The following SFMBT1 variants were observed in gnomAD, a reference collection of about 807,000 sequenced individuals.
The protein encoded by SFMBT1 is scm-like with four MBT domains protein 1.
A neutral mutation model predicts 108.7 loss-of-function variants in SFMBT1; 32 were observed. The observed-to-expected ratio is 0.29, with a 90% CI of 0.22 to 0.40. SFMBT1 has a LOEUF of 0.40. Among genes scored for constraint, SFMBT1 ranks in the 10% least tolerant of loss-of-function variants. The probability of loss-of-function intolerance (pLI) is 1.00; values close to 1 mark genes in which losing one functional copy is unlikely to be tolerated. For synonymous variants in SFMBT1, 348 were observed against 369.5 expected, an observed-to-expected ratio of 0.94 and a Z score of 0.67; for missense variants, 816 against 1,059.6, an observed-to-expected ratio of 0.77 and a Z score of 3.19.
intron 1 of SFMBT1, among the ~76,000 whole-genome samples, chr3:52,980,334 G>A (rs1007374641): frequency 2.6e-5 from 4 of 152,070 alleles, no homozygotes; most frequent in East Asian, 1.9e-4. Flanking sequence ...GACTATCTCC[G>A]TAAAATGCTG....
intron 1 of SFMBT1, among the ~76,000 whole-genome samples, chr3:53,032,301 C>T (rs56907549): frequency 2.0e-5 from 3 of 152,084 alleles, no homozygotes; most frequent in Non-Finnish European, 2.9e-5. Flanking sequence ...GCCCAGGAGG[C>T]GGAGGCTGCA....
intron 2 of SFMBT1, among the ~76,000 whole-genome samples, chr3:52,967,654 G>T (rs919856260): frequency 6.6e-6 from 1 of 152,156 alleles, no homozygotes; most frequent in Non-Finnish European, 1.5e-5. Context: ...TTGATAATGA[G>T]CCAAAGACAT....
chr3:53,039,590 G>A (rs753661511), intron 1 of SFMBT1, among the ~76,000 whole-genome samples: 3 of 152,174 alleles, frequency 2.0e-5, no homozygotes, highest in Non-Finnish European at 4.4e-5. Flanking sequence ...TGACCTGTAC[G>A]TGTAAAAGTG....
chr3:52,941,717 C>T (rs1204671545), intron 4 of SFMBT1, among the ~76,000 whole-genome samples: 3 of 151,086 alleles, frequency 2.0e-5, no homozygotes, highest in South Asian at 4.2e-4. Flanking sequence ...GGCAACACAG[C>T]GAAACTCTGT....
chr3:52,943,164 G>T lies in SFMBT1; in HGVS notation c.364+189C>A, dbSNP rs138212651. On this transcript the variant is annotated intron_variant, in intron 4 of 20. Transcript: ENST00000394752. ...TCATAAAAACCTGAGGCTTTATGTAGCAAAGAAAATAATTTTAAAAGACAG... is the reference window on the plus strand; with the variant it reads ...TCATAAAAACCTGAGGCTTTATGTATCAAAGAAAATAATTTTAAAAGACAG... Among the ~76,000 whole-genome samples, 345 of 152,284 alleles carry T rather than the reference G, an allele frequency of 2.3e-3. 1 individual carries two copies. The highest frequency in any genetic ancestry group is 7.3e-3 in the African/African-American group (304 of 41,570).
In SFMBT1 at chr3:52,904,552, GA is replaced by G. The variant is rs1266601093; in HGVS notation, c.*583del. 1 of 152,600 alleles carries G rather than the reference GA, an allele frequency of 6.6e-6. No homozygotes were observed. Among genetic ancestry groups the G allele is most frequent in the Non-Finnish European group, 1.5e-5 (1 of 68,036 alleles). 9.5% of individuals were successfully genotyped at this position (152,600 alleles called of 1,614,324 possible). A position where few individuals can be genotyped will look rare whatever the true frequency, so the allele number is the denominator to read the frequency against. ...AGGTAGTAAACAAAGGAACTCCTAA[GA>G]ATCGATTTTAAAATGATCAAAGTGT... On this transcript the variant is annotated 3_prime_UTR_variant, in exon 21 of 21. Transcript: ENST00000394752.
intron 3 of SFMBT1, 70 bp downstream of exon 3, chr3:52,954,247 T>C: frequency 8.4e-7 from 1 of 1,185,074 alleles, no homozygotes; most frequent in South Asian, 1.4e-5. Context: ...CTTTAAATTC[T>C]CTAATGATAA....
chr3:52,987,055 G>A (rs1020753300), intron 1 of SFMBT1, among the ~76,000 whole-genome samples: 42 of 151,924 alleles, frequency 2.8e-4, no homozygotes, highest in African/African-American at 9.7e-4. Flanking sequence ...GACTACACAC[G>A]ACCAGGATCA....
intron 1 of SFMBT1, among the ~76,000 whole-genome samples, chr3:52,972,165 G>A (rs992397583): frequency 6.6e-6 from 1 of 152,196 alleles, no homozygotes; most frequent in African/African-American, 2.4e-5. Context: ...TTATGTTCAT[G>A]AGCTCTTGGA....
At chr3:52,971,255 CAAAT>C (rs1167972508) in intron 1 of SFMBT1, among the ~76,000 whole-genome samples, 1 of 152,046 alleles carries the variant, frequency 6.6e-6, no homozygotes, top group Non-Finnish European at 1.5e-5. Context: ...ATCTATAAAA[CAAAT>C]AAAGATCTTT....
intron 1 of SFMBT1, among the ~76,000 whole-genome samples, chr3:53,024,491 A>G (rs1559553741): frequency 6.7e-6 from 1 of 150,172 alleles, no homozygotes; most frequent in African/African-American, 2.5e-5. Context: ...GTTGGCTATG[A>G]TAAAGGCTTT....
In SFMBT1 at chr3:52,932,214, G is replaced by A. The variant is rs756686803; in HGVS notation, c.548C>T (p.Thr183Ile). The A allele has an allele frequency of 2.5e-6, 4 of 1,614,152 alleles. No homozygotes were observed. Among genetic ancestry groups the A allele is most frequent in the South Asian group, 2.2e-5 (2 of 91,080 alleles). The change falls in exon 6 of 21, where the codon ACT (threonine) becomes ATT (isoleucine). Residue 183 changes from threonine to isoleucine, a missense_variant. By Grantham distance (89) the Thr-to-Ile change is moderately conservative. This residue lies in a region of SFMBT1 where 495 missense variants were observed against 607.4 expected (regional missense o/e 0.81). Coordinates refer to ENST00000394752, the MANE Select transcript of SFMBT1 (RefSeq NM_016329.4). ...FQDSLSTWIV[T>I]VVENIGGRLK... ...CCTTCCTCCAATGTTTTCTACTACA[G>A]TAACAATCCAAGTGCTTAAAGAGTC...
rs1270487103 is a variant in SFMBT1, at chr3:52,928,223, A to T, written c.1016T>A (p.Leu339Gln). The T allele has an allele frequency of 6.2e-7, 1 of 1,613,564 alleles. No individual in the cohort carries two copies. The highest frequency in any genetic ancestry group is 8.5e-7 in the Non-Finnish European group (1 of 1,179,872). ...GGGGCTGATGTGTAGGCCATTCTTCAGACTCCACTGCACAGGGAAGATGCC... is the reference window on the plus strand; with the variant it reads ...GGGGCTGATGTGTAGGCCATTCTTCTGACTCCACTGCACAGGGAAGATGCC... ...SPGIFPVQWS[L>Q]KNGLHISPPP... is the part of the protein sequence containing the mutation. The change falls in exon 9 of 21, where the codon CTG (leucine) becomes CAG (glutamine). Residue 339 changes from leucine to glutamine, a missense_variant. Leu to Gln is a moderately radical substitution (Grantham distance 113, BLOSUM62 -2). Transcript: ENST00000394752.
In SFMBT1 at chr3:52,903,663, T is replaced by C. The variant is rs1399315769; in HGVS notation, c.*1473A>G. 2 of 152,246 alleles carry C rather than the reference T, an allele frequency of 1.3e-5. No homozygotes were observed. Among genetic ancestry groups the C allele is most frequent in the African/African-American group, 4.8e-5 (2 of 41,478 alleles). The allele number at this position is 152,246 out of a possible 1,614,324, so 9.4% of individuals were successfully genotyped here. ...ATTTTCAAATCTTGAGGAAGAATGA[T>C]TGGGTTATAAATTTGCAGGTGATTA... On this transcript the variant is annotated 3_prime_UTR_variant, in exon 21 of 21. Coordinates refer to ENST00000394752, the MANE Select transcript of SFMBT1 (RefSeq NM_016329.4).
intron 6 of SFMBT1, among the ~76,000 whole-genome samples, chr3:52,931,519 A>G (rs556738284): frequency 6.6e-6 from 1 of 152,180 alleles, no homozygotes; most frequent in African/African-American, 2.4e-5. Flanking sequence ...TGTGTGGTAA[A>G]TTATAAAAGC....
intron 1 of SFMBT1, among the ~76,000 whole-genome samples, chr3:53,022,417 T>A (rs1490903351): frequency 1.6e-5 from 2 of 123,598 alleles, no homozygotes; most frequent in Admixed American, 2.3e-4. Flanking sequence ...ACCACTGCAC[T>A]CCAGCCTGGG....
intron 2 of SFMBT1, among the ~76,000 whole-genome samples, chr3:52,954,860 A>T (rs896224623): frequency 0.015 from 1 of 68 alleles, no homozygotes; most frequent in South Asian, 0.5. Flanking sequence ...TACCTTAATA[A>T]AAAAAAAAAA....
In SFMBT1 at chr3:52,916,357, T is replaced by A; in HGVS notation, c.1416-143A>T. 3.3e-3 allele frequency: 14 copies of A among 4,294 alleles called. No homozygotes were observed. The Non-Finnish European group carries it at 0.073, about 22-fold the overall frequency. The allele number at this position is 4,294 out of a possible 1,614,324, so 0.3% of individuals were successfully genotyped here. On this transcript the variant is annotated intron_variant, in intron 13 of 20. Transcript: ENST00000394752. Reference sequence around the variant, plus strand: ...ACAGAAGGTACTCCCTTGATGATACTTTTTTTTTTTTTTTTTTTTTTTAAA... The same window carrying A: ...ACAGAAGGTACTCCCTTGATGATACATTTTTTTTTTTTTTTTTTTTTTAAA...
chr3:52,965,612 C>T (rs1704105911), intron 2 of SFMBT1, among the ~76,000 whole-genome samples: 2 of 151,874 alleles, frequency 1.3e-5, no homozygotes, highest in Admixed American at 6.6e-5. Context: ...CCCAGGATTC[C>T]ATATCCAGCA....
Sources: gnomAD v4.1 joint callset for allele counts (sites outside exome capture counted in the v4.1 genomes callset) on GRCh38, gnomAD v4.1.1 for gene constraint, gnomAD v4.1.1 regional missense constraint, MANE v1.5 for transcripts, NCBI Gene and HGNC (gene_info 2026-07-23, HGNC 2026-07-21) for gene names.